PTPN11: variants seen among roughly 807,000 people sequenced by gnomAD.
The protein encoded by PTPN11 is tyrosine-protein phosphatase non-receptor type 11.
Under a neutral mutation model 78.8 loss-of-function variants are expected in PTPN11, and 6 were observed. That is an observed-to-expected ratio of 0.08 (90% CI 0.04 to 0.15). The LOEUF (loss-of-function observed/expected upper bound fraction) is 0.15. Among genes scored for constraint, PTPN11 ranks in the 10% least tolerant of loss-of-function variants. The pLI, the probability that PTPN11 is intolerant of heterozygous loss-of-function variation, is 1.00. For missense variants in PTPN11, 386 were observed against 744.8 expected (o/e 0.52, Z 5.61); for synonymous variants, 221 against 263.5 (o/e 0.84, Z 1.56).
intron 1 of PTPN11, among the ~76,000 whole-genome samples, chr12:112,427,524 C>T (rs372943251): frequency 4.0e-5 from 6 of 150,334 alleles, no homozygotes; most frequent in East Asian, 3.9e-4. Flanking sequence ...CCAGCCTGGG[C>T]GACAGAGCGA....
chr12:112,445,203 C>G (rs1317748770), intron 1 of PTPN11, among the ~76,000 whole-genome samples: 1 of 152,124 alleles, frequency 6.6e-6, no homozygotes, highest in Non-Finnish European at 1.5e-5. Flanking sequence ...ACGATCATGG[C>G]TCACTGCAAC....
chr12:112,463,919 G>A (rs901553242), intron 6 of PTPN11, among the ~76,000 whole-genome samples: 2 of 152,178 alleles, frequency 1.3e-5, no homozygotes, highest in African/African-American at 4.8e-5. Flanking sequence ...AGCGAAATAA[G>A]GCTGAAAACA....
chr12:112,502,032 A>G (rs1050663835), intron 13 of PTPN11, 112 bp from the exon 14 acceptor site: 4 of 780,700 alleles, frequency 5.1e-6, no homozygotes, highest in South Asian at 4.5e-5. Flanking sequence ...CCGTCTATCA[A>G]TTTTTTTTTC....
At chr12:112,479,924 T>C (rs1014951752) in intron 9 of PTPN11, among the ~76,000 whole-genome samples, 9 of 152,158 alleles carry the variant, frequency 5.9e-5, no homozygotes, top group African/African-American at 2.2e-4. Flanking sequence ...ACATGATGGG[T>C]ATTGATTCTC....
At position 112,450,287 on chromosome 12, in the gene PTPN11, C is replaced by G. The variant is rs764070941; in HGVS notation, c.138-31C>G. The G allele has an allele frequency of 2.6e-6, 4 of 1,546,180 alleles. No individual in the cohort carries two copies. In the African/African-American group the frequency reaches 4.1e-5, roughly 16 times the overall value. On this transcript the variant is annotated intron_variant, in intron 2 of 15. Transcript: ENST00000351677. ...TACTGGTGTAACTCTTTATTTGTCC[C>G]CTTGCCTCCCTTTCCAATGGACTAT...
intron 13 of PTPN11, among the ~76,000 whole-genome samples, chr12:112,489,570 C>T (rs538207149): frequency 5.3e-5 from 8 of 152,258 alleles, no homozygotes; most frequent in East Asian, 1.9e-4. Context: ...CTCTTAATAG[C>T]GCACGGCAGT....
At chr12:112,488,637 G>A in intron 12 of PTPN11, 127 bp downstream of exon 12, 1 of 967,472 alleles carries the variant, frequency 1.0e-6, no homozygotes, top group Non-Finnish European at 1.6e-6. Context: ...CTGGGCTGAA[G>A]ACTTCAGTGT....
intron 6 of PTPN11, among the ~76,000 whole-genome samples, chr12:112,459,711 G>A (rs1023840045): frequency 6.6e-6 from 1 of 151,678 alleles, no homozygotes; most frequent in Non-Finnish European, 1.5e-5. Context: ...CAGGTGATCC[G>A]CCTGACTTGG....
intron 1 of PTPN11, among the ~76,000 whole-genome samples, chr12:112,442,474 A>T (rs979726380): frequency 1.3e-5 from 2 of 151,780 alleles, no homozygotes; most frequent in Non-Finnish European, 2.9e-5. Flanking sequence ...ATTTTTTGAG[A>T]TGGAGTATTG....
intron 1 of PTPN11, among the ~76,000 whole-genome samples, chr12:112,432,813 C>CA (rs1283713369): frequency 6.3e-4 from 92 of 145,016 alleles, no homozygotes; most frequent in South Asian, 1.5e-3. Flanking sequence ...GACCCCATCT[C>CA]AAAAAAAAAA....
chr12:112,489,508 C>T (rs1022026902), intron 13 of PTPN11, among the ~76,000 whole-genome samples: 4 of 152,186 alleles, frequency 2.6e-5, no homozygotes, highest in African/African-American at 9.6e-5. Flanking sequence ...CTGTTCCAGC[C>T]TTGATCCAGG....
chr12:112,477,568 C>A, intron 7 of PTPN11, 83 bp from the exon 8 acceptor site: 1 of 1,097,248 alleles, frequency 9.1e-7, no homozygotes, highest in Non-Finnish European at 1.4e-6. Flanking sequence ...AAAACTTGGA[C>A]TAGGCTGGGG....
chr12:112,488,923 C>G (rs1388224806), intron 12 of PTPN11, 101 bp from the exon 13 acceptor site: 2 of 1,493,630 alleles, frequency 1.3e-6, no homozygotes, highest in Admixed American at 3.4e-5. Context: ...ACAGCAAAGA[C>G]TAAATTAGCA....
At chr12:112,430,163 G>A (rs2037690205) in intron 1 of PTPN11, among the ~76,000 whole-genome samples, 1 of 152,146 alleles carries the variant, frequency 6.6e-6, no homozygotes, top group South Asian at 2.1e-4. Context: ...TGGGATTACA[G>A]GTGTGTGCCA....
At chr12:112,500,349 A>G (rs997829009) in intron 13 of PTPN11, among the ~76,000 whole-genome samples, 1 of 152,226 alleles carries the variant, frequency 6.6e-6, no homozygotes, top group African/African-American at 2.4e-5. Flanking sequence ...TATATAAGCA[A>G]AGATTTTTCA....
chr12:112,495,587 TC>T (rs1469721671), intron 13 of PTPN11, among the ~76,000 whole-genome samples: 1 of 152,216 alleles, frequency 6.6e-6, no homozygotes, highest in East Asian at 1.9e-4. Flanking sequence ...GCCAGATTTT[TC>T]TCACTGCATA....
rs745921526 is a variant in PTPN11 at position 112,502,294 on chromosome 12, T to G, written c.1712+38T>G. 7.1e-6 allele frequency: 11 copies of G among 1,548,178 alleles called. No homozygotes were observed. The Admixed American group carries it at 1.3e-4, about 19-fold the overall frequency. ...GAAGGAAATTCTTTTTACCTGGTCA[T>G]GGTGGTTTAAAAAGGTTTAAAAAAC... On this transcript the variant is annotated intron_variant, in intron 14 of 15. Transcript: ENST00000351677.
At chr12:112,494,154 T>C (rs1406470850) in intron 13 of PTPN11, among the ~76,000 whole-genome samples, 1 of 152,196 alleles carries the variant, frequency 6.6e-6, no homozygotes, top group African/African-American at 2.4e-5. Context: ...CTTGGGACAC[T>C]GAGGCAGGAG....
intron 1 of PTPN11, among the ~76,000 whole-genome samples, chr12:112,420,428 C>A (rs2037505083): frequency 2.6e-5 from 4 of 151,932 alleles, no homozygotes; most frequent in Admixed American, 2.6e-4. Flanking sequence ...TCACCACAAT[C>A]TCCGCCTCCT....
Sources: gnomAD v4.1 joint callset for allele counts (sites outside exome capture counted in the v4.1 genomes callset) on GRCh38, gnomAD v4.1.1 for gene constraint, MANE v1.5 for transcripts, NCBI Gene and HGNC (gene_info 2026-07-23, HGNC 2026-07-21) for gene names.